The following ABCC2 variants were observed in gnomAD, a reference collection of about 807,000 sequenced individuals.
ABCC2 encodes ATP binding cassette subfamily C member 2.
A neutral mutation model predicts 173.4 loss-of-function variants in ABCC2; 157 were observed. That is an observed-to-expected ratio of 0.91 (90% CI 0.80 to 1.03). The LOEUF is 1.03. ABCC2 is among the 50% of genes least tolerant of loss of function. The pLI, the probability that ABCC2 is intolerant of heterozygous loss-of-function variation, is 0.00. For synonymous variants in ABCC2, 657 were observed against 693.5 expected (o/e 0.95, Z 0.83); for missense variants, 1,822 against 1,852.3 (o/e 0.98, Z 0.30).
Position 99,807,521 on chromosome 10 carries a change from GGT to G in ABCC2, c.1668+2_1668+3del. 6.2e-7 allele frequency: 1 copy of G among 1,614,100 alleles called. No homozygotes were observed. The highest frequency in any genetic ancestry group is 8.5e-7 in the Non-Finnish European group (1 of 1,179,976). On this transcript the variant is annotated splice_donor_variant, in intron 12 of 31. Transcript: ENST00000647814. LOFTEE classifies it high-confidence loss of function. Reference sequence around the variant, plus strand: ...TCGTCTTCCAGTTAACTCCAGTCCTGGTGAGTAGCAGAGGGGTCCATGGGCTG... The same window carrying G: ...TCGTCTTCCAGTTAACTCCAGTCCTGGAGTAGCAGAGGGGTCCATGGGCTG...
intron 19 of ABCC2, among the ~76,000 whole-genome samples, chr10:99,821,830 C>T (rs1186874075): frequency 3.3e-5 from 5 of 151,850 alleles, no homozygotes; most frequent in African/African-American, 4.8e-5. Context: ...AAACCGCCAT[C>T]GTCATCATGG....
intron 19 of ABCC2, among the ~76,000 whole-genome samples, chr10:99,827,280 C>T (rs2038660443): frequency 1.3e-5 from 2 of 152,112 alleles, no homozygotes; most frequent in Non-Finnish European, 2.9e-5. Flanking sequence ...ACTTGGCCCT[C>T]GTGGCTTAGA....
intron 16 of ABCC2, among the ~76,000 whole-genome samples, chr10:99,814,452 T>C (rs1445354948): frequency 1.6e-5 from 1 of 61,748 alleles, no homozygotes; most frequent in Non-Finnish European, 2.9e-5. Context: ...CATATGTGTG[T>C]ATATACATAC....
At chr10:99,809,997 C>G in intron 13 of ABCC2, 137 bp from the exon 14 acceptor site, 1 of 745,824 alleles carries the variant, frequency 1.3e-6, no homozygotes, top group East Asian at 2.7e-5. Context: ...GGATAGCTTC[C>G]GGGGCTGAGT....
At chr10:99,833,594 A>C (rs912758749) in intron 23 of ABCC2, among the ~76,000 whole-genome samples, 2 of 152,140 alleles carry the variant, frequency 1.3e-5, no homozygotes, top group Admixed American at 6.5e-5. Context: ...TAGAACTGAT[A>C]ACTGGTAGGG....
At chr10:99,846,690 G>T (rs1214056023) in intron 29 of ABCC2, among the ~76,000 whole-genome samples, 2 of 152,200 alleles carry the variant, frequency 1.3e-5, no homozygotes, top group African/African-American at 4.8e-5. Flanking sequence ...AGTGAGCGGT[G>T]TTTGTGCCAC....
intron 26 of ABCC2, 68 bp downstream of exon 26, chr10:99,842,161 T>G (rs2038958632): frequency 1.9e-6 from 3 of 1,602,036 alleles, no homozygotes; most frequent in Non-Finnish European, 2.6e-6. Context: ...TGATGTATAC[T>G]GTGGAGTCTG....
chr10:99,783,218 A>G (rs1488367463), intron 1 of ABCC2, among the ~76,000 whole-genome samples: 2 of 152,236 alleles, frequency 1.3e-5, no homozygotes, highest in Non-Finnish European at 2.9e-5. Flanking sequence ...TAGAAGGAAG[A>G]GAAGATCCGT....
At chr10:99,799,602 G>A (rs549104270) in intron 8 of ABCC2, among the ~76,000 whole-genome samples, 1 of 152,134 alleles carries the variant, frequency 6.6e-6, no homozygotes, top group African/African-American at 2.4e-5. Flanking sequence ...CTCCTCATAG[G>A]GGGCCGGGTA....
Position 99,831,694 on chromosome 10 carries a change from TTC to T in ABCC2, c.2969_2970del (p.Ser990CysfsTer16). ...TCATCATCCTTGCGTTTGTGATGAA[TTC>T]TGTGGCTTTTATTGGATCCAACCTC... Reference protein sequence around the residue: ...FFIILAFVMNSVAFIGSNLWL... With the variant: ...FFIILAFVMNXVAFIGSNLWL... On this transcript the variant is annotated frameshift_variant, in exon 22 of 32. Coordinates refer to ENST00000647814, the MANE Select transcript of ABCC2 (RefSeq NM_000392.5). LOFTEE classifies it high-confidence loss of function. 3 of 1,614,206 alleles carry T rather than the reference TTC, an allele frequency of 1.9e-6. No individual in the cohort carries two copies. Among genetic ancestry groups the T allele is most frequent in the Non-Finnish European group, 2.5e-6 (3 of 1,180,032 alleles).
chr10:99,818,738 G>T, intron 17 of ABCC2, 52 bp from the exon 18 acceptor site: 3 of 1,601,720 alleles, frequency 1.9e-6, no homozygotes, highest in Non-Finnish European at 2.6e-6. Flanking sequence ...ATTAGATTCT[G>T]TGAAGGTGGA....
chr10:99,819,417 G>C (rs78599915), intron 19 of ABCC2, 148 bp downstream of exon 19: 4 of 750,988 alleles, frequency 5.3e-6, no homozygotes, highest in East Asian at 3.0e-5. Flanking sequence ...TGGGTTCTGT[G>C]TCTCTTTGAG....
intron 6 of ABCC2, 41 bp downstream of exon 6, chr10:99,794,509 T>G: frequency 2.6e-6 from 4 of 1,533,810 alleles, no homozygotes; most frequent in Non-Finnish European, 3.6e-6. Context: ...ATCCTTACTC[T>G]CTCACTCCTC....
intron 16 of ABCC2, among the ~76,000 whole-genome samples, chr10:99,814,795 A>ACATG (rs1554851107): frequency 7.4e-6 from 1 of 135,588 alleles, no homozygotes. Context: ...ACACACACAC[A>ACATG]TATGTGTGTG....
intron 30 of ABCC2, among the ~76,000 whole-genome samples, chr10:99,850,370 C>G (rs1184957855): frequency 6.6e-6 from 1 of 152,056 alleles, no homozygotes; most frequent in African/African-American, 2.4e-5. Context: ...AAGCAAGGGC[C>G]CAGAAATATG....
chr10:99,823,603 G>A (rs865804300), intron 19 of ABCC2, among the ~76,000 whole-genome samples: 36 of 147,364 alleles, frequency 2.4e-4, no homozygotes, highest in Admixed American at 1.5e-3. Context: ...TTGATTACTC[G>A]TTCCTTCGGC....
chr10:99,831,462 C>T, intron 21 of ABCC2, 149 bp from the exon 22 acceptor site: 1 of 737,866 alleles, frequency 1.4e-6, no homozygotes. Context: ...TGGCACAGTG[C>T]AGAAATGGTG....
chr10:99,802,282 A>G (rs1415367455), intron 9 of ABCC2, among the ~76,000 whole-genome samples: 1 of 152,170 alleles, frequency 6.6e-6, no homozygotes, highest in Non-Finnish European at 1.5e-5. Flanking sequence ...TACTTATGAA[A>G]CATTTTTTAC....
intron 19 of ABCC2, among the ~76,000 whole-genome samples, chr10:99,821,388 G>A (rs1384144237): frequency 3.9e-5 from 6 of 152,030 alleles, no homozygotes; most frequent in Admixed American, 6.5e-5. Flanking sequence ...GACCCTTTAC[G>A]GGTGTCGGGC....
Sources: allele counts gnomAD v4.1 joint callset (sites outside exome capture counted in the v4.1 genomes callset), GRCh38; gene constraint gnomAD v4.1.1; transcripts MANE v1.5; gene names NCBI Gene and HGNC (gene_info 2026-07-23, HGNC 2026-07-21).